Variants in PCDH15 observed in about 807,000 individuals in gnomAD.
The protein encoded by PCDH15 is protocadherin related 15.
Under a neutral mutation model 178.5 loss-of-function variants are expected in PCDH15, and 129 were observed. The ratio of observed to expected loss-of-function variants is 0.72; its 90% CI spans 0.63 to 0.84. The LOEUF is 0.84. Among genes scored for constraint, PCDH15 ranks in the 40% least tolerant of loss-of-function variants. PCDH15 has a pLI of 0.00. For missense variants in PCDH15, 2,230 were observed against 2,099.9 expected, an observed-to-expected ratio of 1.06 and a Z score of -1.21; for synonymous variants, 800 against 732.0, an observed-to-expected ratio of 1.09 and a Z score of -1.50.
At chr10:54,457,016 G>A (rs2076868328) in intron 3 of PCDH15, among the ~76,000 whole-genome samples, 1 of 152,076 alleles carries the variant, frequency 6.6e-6, no homozygotes, top group Non-Finnish European at 1.5e-5. Flanking sequence ...CCCAGTCACA[G>A]GTGTTTCTTC....
intron 3 of PCDH15, among the ~76,000 whole-genome samples, chr10:54,867,139 C>T (rs543209860): frequency 6.0e-4 from 91 of 152,106 alleles, no homozygotes; most frequent in Non-Finnish European, 1.1e-3. Context: ...GAAGACTGGG[C>T]TGGGGGAATA....
intron 2 of PCDH15, among the ~76,000 whole-genome samples, chr10:54,586,537 G>T (rs1325335520): frequency 2.6e-5 from 4 of 152,064 alleles, no homozygotes; most frequent in Non-Finnish European, 4.4e-5. Context: ...TTTTATTATA[G>T]ATGAACTAAG....
At chr10:55,600,155 G>T in intron 2 of PCDH15, 1 of 301,428 alleles carries the variant, frequency 3.3e-6, no homozygotes, top group Non-Finnish European at 6.1e-6. Context: ...ACGAGGTCAG[G>T]AGATCGAGAC....
chr10:54,312,715 A>G (rs2060987017), intron 8 of PCDH15, among the ~76,000 whole-genome samples: 1 of 152,070 alleles, frequency 6.6e-6, no homozygotes, highest in Non-Finnish European at 1.5e-5. Flanking sequence ...ATCATTATGA[A>G]AGTGGCACCC....
chr10:53,829,792 C>T lies in PCDH15; in HGVS notation c.4203-1219G>A, dbSNP rs1230416091. Among the ~76,000 whole-genome samples the T allele has an allele frequency of 4.6e-5, 7 of 152,266 alleles. No individual in the cohort carries two copies. The South Asian group carries it at 1.2e-3, about 27-fold the overall frequency. On this transcript the variant is annotated intron_variant, in intron 30 of 37. Coordinates refer to ENST00000644397, the MANE Select transcript of PCDH15 (RefSeq NM_001384140.1). ...AGTCATGCAGCAAGCCCTAGTTATA[C>T]TCTTGGCCTCACTTTGAAAACGGAG... is the stretch of plus-strand genomic sequence containing the variant.
chr10:55,433,463 T>C (rs1041944124), intron 2 of PCDH15, among the ~76,000 whole-genome samples: 3 of 152,108 alleles, frequency 2.0e-5, no homozygotes, highest in African/African-American at 4.8e-5. Flanking sequence ...AAACTACCTA[T>C]TGGGTACTAT....
chr10:53,821,557 G>T (rs1179940562), intron 32 of PCDH15: 2 of 1,102,926 alleles, frequency 1.8e-6, no homozygotes, highest in East Asian at 6.2e-5. Context: ...TTTAAGTTGG[G>T]TATCTAATTT....
chr10:54,406,819 A>G (rs1490371102), intron 3 of PCDH15, among the ~76,000 whole-genome samples: 1 of 152,114 alleles, frequency 6.6e-6, no homozygotes, highest in African/African-American at 2.4e-5. Flanking sequence ...AGAAGAAAAC[A>G]GGGGATTATC....
At chr10:55,024,074 C>CATAT (rs71461269) in intron 2 of PCDH15, among the ~76,000 whole-genome samples, 8 of 143,120 alleles carry the variant, frequency 5.6e-5, no homozygotes, top group Non-Finnish European at 1.2e-4. Flanking sequence ...TACACACACT[C>CATAT]ATATATATAT....
chr10:55,342,508 C>T (rs565955079), intron 2 of PCDH15, among the ~76,000 whole-genome samples: 29 of 151,686 alleles, frequency 1.9e-4, no homozygotes, highest in Non-Finnish European at 1.6e-4. Flanking sequence ...TGGGGTCTTG[C>T]TGTGTTTCCC....
At chr10:55,584,932 T>C (rs1842695841) in intron 2 of PCDH15, among the ~76,000 whole-genome samples, 1 of 150,288 alleles carries the variant, frequency 6.7e-6, no homozygotes, top group Non-Finnish European at 1.5e-5. Context: ...TAATATATAG[T>C]TTTTTTTTAA....
chr10:54,873,695 T>TTTTTTA (rs1554809277), intron 3 of PCDH15, among the ~76,000 whole-genome samples: 1 of 138,928 alleles, frequency 7.2e-6, no homozygotes, highest in African/African-American at 2.7e-5. Context: ...CTGCTGTATT[T>TTTTTTA]TATATATATA....
intron 14 of PCDH15, among the ~76,000 whole-genome samples, chr10:54,143,310 T>C (rs1316151707): frequency 1.3e-5 from 2 of 152,198 alleles, no homozygotes; most frequent in Non-Finnish European, 2.9e-5. Context: ...TACATTGTTG[T>C]ATGCCACAGA....
chr10:53,831,232 C>T, intron 30 of PCDH15, 83 bp downstream of exon 30: 1 of 1,263,182 alleles, frequency 7.9e-7, no homozygotes, highest in Admixed American at 1.7e-5. Context: ...CAATATTTTA[C>T]AACGCAAAGC....
intron 3 of PCDH15, among the ~76,000 whole-genome samples, chr10:54,464,860 C>G (rs762938133): frequency 3.3e-5 from 5 of 152,006 alleles, no homozygotes; most frequent in Non-Finnish European, 7.4e-5. Flanking sequence ...AGAAAGTGAA[C>G]AGTTAAAAAA....
chr10:54,401,538 T>C (rs1211995607), intron 3 of PCDH15, among the ~76,000 whole-genome samples: 1 of 151,600 alleles, frequency 6.6e-6, no homozygotes. Flanking sequence ...AAACACCAAA[T>C]ACCCGTCAAA....
chr10:53,912,686 T>C (rs2083198789), intron 25 of PCDH15, among the ~76,000 whole-genome samples: 1 of 152,180 alleles, frequency 6.6e-6, no homozygotes, highest in Admixed American at 6.6e-5. Flanking sequence ...GAACTTCCAT[T>C]CACAGTTGCT....
intron 2 of PCDH15, among the ~76,000 whole-genome samples, chr10:55,609,273 C>G (rs1016708808): frequency 2.6e-5 from 4 of 152,046 alleles, no homozygotes; most frequent in Admixed American, 1.3e-4. Context: ...CCACACTACA[C>G]CAGATGACAA....
intron 1 of PCDH15, among the ~76,000 whole-genome samples, chr10:55,292,046 T>C (rs1002804441): frequency 6.6e-6 from 1 of 152,130 alleles, no homozygotes; most frequent in East Asian, 1.9e-4. Flanking sequence ...CCAAACCATA[T>C]TATTCCCCCC....
Sources: gnomAD v4.1 joint callset for allele counts (sites outside exome capture counted in the v4.1 genomes callset) on GRCh38, gnomAD v4.1.1 for gene constraint, MANE v1.5 for transcripts, NCBI Gene and HGNC (gene_info 2026-07-23, HGNC 2026-07-21) for gene names.